Variants in FANK1 observed in about 807,000 individuals in gnomAD.
FANK1 encodes the protein fibronectin type 3 and ankyrin repeat domains protein 1.
FANK1 carries 44 observed loss-of-function variants against 45.3 expected under a neutral mutation model. The ratio of observed to expected loss-of-function variants is 0.97; its 90% CI spans 0.76 to 1.25. The LOEUF (loss-of-function observed/expected upper bound fraction) is 1.25, where lower values mean the gene tolerates loss of function less well. Among genes scored for constraint, FANK1 ranks in the 50% most tolerant of loss-of-function variants. FANK1 has a pLI of 0.00. For missense variants in FANK1, 391 were observed against 424.4 expected (o/e 0.92, Z 0.69); for synonymous variants, 149 against 152.5 (o/e 0.98, Z 0.17).
rs562385630 is a variant in FANK1 at position 125,995,330 on chromosome 10, T to A, written c.317-87T>A. On this transcript the variant is annotated intron_variant, in intron 3 of 10. Transcript: ENST00000368693. ...TAGCCAAGCGCCTTCCTGAAGATGA[T>A]CCCCTGAAGGCCACAGGAGGACGAT... 6 of 1,191,530 alleles carry A rather than the reference T, an allele frequency of 5.0e-6. No homozygotes were observed. The African/African-American group carries it at 9.0e-5, about 18-fold the overall frequency. 73.8% of individuals were successfully genotyped at this position (1,191,530 alleles called of 1,614,324 possible).
intron 1 of FANK1, among the ~76,000 whole-genome samples, chr10:125,898,225 G>T (rs1315154853): frequency 6.6e-6 from 1 of 152,110 alleles, no homozygotes; most frequent in East Asian, 1.9e-4. Context: ...TCAGATTTAT[G>T]TTACTGTTTT....
intron 4 of FANK1, among the ~76,000 whole-genome samples, chr10:125,996,294 C>G (rs1952321500): frequency 6.6e-6 from 1 of 152,164 alleles, no homozygotes; most frequent in Non-Finnish European, 1.5e-5. Context: ...TGGCTTTGAG[C>G]CGAAGCATGT....
At chr10:125,958,465 T>C (rs1450375851) in intron 1 of FANK1, among the ~76,000 whole-genome samples, 1 of 152,186 alleles carries the variant, frequency 6.6e-6, no homozygotes, top group African/African-American at 2.4e-5. Flanking sequence ...CTCGAACTCC[T>C]GGTCTCAAGT....
chr10:125,946,804 TCCTCATA>T (rs1948834531), intron 1 of FANK1, among the ~76,000 whole-genome samples: 1 of 10,370 alleles, frequency 9.6e-5, no homozygotes, highest in Admixed American at 3.8e-4. Flanking sequence ...GACACATATT[TCCTCATA>T]ATTGTCAGAT....
chr10:125,996,589 C>T lies in FANK1; in HGVS notation c.438C>T (p.Thr146=), dbSNP rs759220594. ...ATGTTCCCAATAAGTTTGGCTTTAC[C>T]GCTCTGATGGTTGCTGCCCAGAAAG... ...KVDVPNKFGF[T]ALMVAAQKGY... The change falls in exon 5 of 11, where the codon ACC becomes ACT. Residue 146 remains threonine, a synonymous_variant. Transcript: ENST00000368693. The T allele has an allele frequency of 4.7e-5, 76 of 1,614,024 alleles. No homozygotes were observed. Among genetic ancestry groups the T allele is most frequent in the South Asian group, 5.5e-5 (5 of 91,082 alleles).
chr10:125,959,949 C>T (rs1365185866), intron 1 of FANK1, among the ~76,000 whole-genome samples: 1 of 152,144 alleles, frequency 6.6e-6, no homozygotes, highest in Non-Finnish European at 1.5e-5. Context: ...TAAAGCACTT[C>T]ACCAAAAACA....
At chr10:125,911,252 A>G (rs1189272611) in intron 1 of FANK1, among the ~76,000 whole-genome samples, 1 of 152,128 alleles carries the variant, frequency 6.6e-6, no homozygotes, top group African/African-American at 2.4e-5. Context: ...GGTTGCAGTG[A>G]TACACGATCA....
chr10:126,004,225 G>A (rs952182942), intron 6 of FANK1: 4 of 149,432 alleles, frequency 2.7e-5, no homozygotes, highest in Admixed American at 6.7e-5. Flanking sequence ...GTAAGAAATT[G>A]GTTTGATAGT....
intron 1 of FANK1, among the ~76,000 whole-genome samples, chr10:125,947,557 G>A (rs1424209867): frequency 6.6e-6 from 1 of 151,356 alleles, no homozygotes; most frequent in Non-Finnish European, 1.5e-5. Context: ...TCAACAAGAA[G>A]AGCTAACTAT....
intron 2 of FANK1, among the ~76,000 whole-genome samples, chr10:125,988,051 C>T (rs1157892433): frequency 6.6e-6 from 1 of 152,212 alleles, no homozygotes; most frequent in Non-Finnish European, 1.5e-5. Context: ...GCCTGAGCTC[C>T]CAGCTCTACT....
At chr10:125,946,874 T>C (rs1430129488) in intron 1 of FANK1, among the ~76,000 whole-genome samples, 1 of 145,582 alleles carries the variant, frequency 6.9e-6, no homozygotes, top group Non-Finnish European at 1.5e-5. Flanking sequence ...AAAGGTCGGG[T>C]TACCCTCAAA....
intron 1 of FANK1, among the ~76,000 whole-genome samples, chr10:125,939,260 G>A (rs1948296761): frequency 6.6e-6 from 1 of 152,062 alleles, no homozygotes; most frequent in Admixed American, 6.6e-5. Flanking sequence ...TGAATCTGAT[G>A]GATTGCAGAG....
At chr10:125,907,411 C>T in intron 1 of FANK1, 1 of 812,132 alleles carries the variant, frequency 1.2e-6, no homozygotes, top group Non-Finnish European at 1.5e-6. Flanking sequence ...TTCCCATGAT[C>T]TCAATGTCCT....
At chr10:125,899,022 C>T (rs77064170) in intron 1 of FANK1, among the ~76,000 whole-genome samples, 1 of 151,454 alleles carries the variant, frequency 6.6e-6, no homozygotes, top group Non-Finnish European at 1.5e-5. Flanking sequence ...AGCCTCCTGG[C>T]TAGATGTGAC....
intron 3 of FANK1, among the ~76,000 whole-genome samples, chr10:125,991,849 GGTACATCTGC>G (rs1367827922): frequency 6.6e-6 from 1 of 152,044 alleles, no homozygotes; most frequent in Non-Finnish European, 1.5e-5. Flanking sequence ...AATATCTGCA[GGTACATCTGC>G]AACTAAATGA....
chr10:125,923,796 G>C (rs912165071), intron 1 of FANK1, among the ~76,000 whole-genome samples: 1 of 152,122 alleles, frequency 6.6e-6, no homozygotes, highest in Admixed American at 6.5e-5. Context: ...CCAAAGTGCT[G>C]GGATTACAGG....
At chr10:125,985,576 C>A (rs1045480938) in intron 2 of FANK1, among the ~76,000 whole-genome samples, 15 of 152,046 alleles carry the variant, frequency 9.9e-5, no homozygotes, top group Non-Finnish European at 1.0e-4. Flanking sequence ...TTCTGTAATG[C>A]CATTGGCGTT....
In FANK1 at chr10:125,983,473, C is replaced by A. The variant is rs184446541; in HGVS notation, c.191+3135C>A. 3.9e-4 allele frequency among the ~76,000 whole-genome samples: 59 copies of A among 152,220 alleles called. 1 individual carries two copies. Among genetic ancestry groups the A allele is most frequent in the Non-Finnish European group, 7.1e-4 (48 of 68,016 alleles). ...TAAGTAAAAATAGGTAGTCAGCAGG[C>A]AATACATACTGAGGGGCAGCAGCAT... On this transcript the variant is annotated intron_variant, in intron 2 of 10. Transcript: ENST00000368693. This position sits in a 1 kb window ranked among gnomAD's most constrained non-coding sequence, Gnocchi z 4.3.
In FANK1 at chr10:125,942,805, A is replaced by G. The variant is rs1041637385; in HGVS notation, c.14-37356A>G. ...TTTTCATTAGATCTGAAATTTTTTTATAATTTGCTTTTTTTTTTTTTTTTT... is the reference window on the plus strand; with the variant it reads ...TTTTCATTAGATCTGAAATTTTTTTGTAATTTGCTTTTTTTTTTTTTTTTT... On this transcript the variant is annotated intron_variant, in intron 1 of 10. Transcript: ENST00000368693. Among the ~76,000 whole-genome samples the G allele has an allele frequency of 1.9e-4, 28 of 148,426 alleles. 1 individual carries two copies. The highest frequency in any genetic ancestry group is 5.9e-4 in the African/African-American group (24 of 40,426).
Sources: gnomAD v4.1 joint callset for allele counts (sites outside exome capture counted in the v4.1 genomes callset) on GRCh38, gnomAD v4.1.1 for gene constraint, Gnocchi (gnomAD v3.1) non-coding constraint, MANE v1.5 for transcripts, NCBI Gene and HGNC (gene_info 2026-07-23, HGNC 2026-07-21) for gene names.